The following CD83 variants were observed in gnomAD, a reference collection of about 807,000 sequenced individuals.
CD83 encodes the protein CD83 molecule, also known as CD83 antigen.
CD83 carries 22 observed loss-of-function variants against 24.6 expected under a neutral mutation model. That is an observed-to-expected ratio of 0.90 (90% CI 0.64 to 1.28). The LOEUF (loss-of-function observed/expected upper bound fraction) is 1.28, where lower values mean the gene tolerates loss of function less well. Among genes scored for constraint, CD83 ranks in the 50% most tolerant of loss-of-function variants. The pLI, the probability that CD83 is intolerant of heterozygous loss-of-function variation, is 0.00. For synonymous variants in CD83, 101 were observed against 103.5 expected (o/e 0.98, Z 0.14); for missense variants, 253 against 252.8 (o/e 1.00, Z -0.01).
chr6:14,134,916 T>A (rs923628893), intron 4 of CD83, among the ~76,000 whole-genome samples, 192 bp from the exon 5 acceptor site: 2 of 152,154 alleles, frequency 1.3e-5, no homozygotes, highest in African/African-American at 4.8e-5. Context: ...AATCAGTGAA[T>A]CTCCTGGTCC....
chr6:14,131,424 G>A, intron 2 of CD83, 96 bp from the exon 3 acceptor site: 2 of 861,966 alleles, frequency 2.3e-6, no homozygotes, highest in Non-Finnish European at 3.7e-6. Flanking sequence ...ACAAACATAA[G>A]TTGAGGCTGG....
chr6:14,117,782 A>G lies in CD83; in HGVS notation c.-30A>G, dbSNP rs1306274358. The stretch of plus-strand genomic sequence containing the variant: ...CGGCGCCCGCGCGCCACAGCTCTGC[A>G]GCTCGTGGCAGCGGCGCAGCGCTCC... On this transcript the variant is annotated 5_prime_UTR_variant, in exon 1 of 5. Coordinates refer to ENST00000379153, the MANE Select transcript of CD83 (RefSeq NM_004233.4). This position sits in a 1 kb window ranked among gnomAD's most constrained non-coding sequence, Gnocchi z 4.6. The G allele has an allele frequency of 3.4e-6, 5 of 1,471,740 alleles. No homozygotes were observed. Among genetic ancestry groups the G allele is most frequent in the Non-Finnish European group, 4.5e-6 (5 of 1,112,612 alleles). 91.2% of individuals were successfully genotyped at this position (1,471,740 alleles called of 1,614,324 possible).
At position 14,131,715 on chromosome 6, in the gene CD83, A is replaced by T; in HGVS notation, c.349A>T (p.Asn117Tyr). 6.2e-7 allele frequency: 1 copy of T among 1,614,062 alleles called. No individual in the cohort carries two copies. The highest frequency in any genetic ancestry group is 8.5e-7 in the Non-Finnish European group (1 of 1,179,912). The change falls in exon 3 of 5, where the codon AAC becomes TAC. Residue 117 changes from asparagine to tyrosine, a missense_variant. Physicochemically the swap from Asn to Tyr is moderately radical, Grantham distance 143 (BLOSUM62 -2). Transcript: ENST00000379153. ...CTLQDPDGQR[N>Y]LSGKVILRVT... ...TCTGCAGGACCCGGATGGGCAGAGA[A>T]ACCTAAGTGGCAAGGTGATCTTGAG...
chr6:14,124,587 A>G (rs971080996), intron 2 of CD83, among the ~76,000 whole-genome samples: 1 of 152,198 alleles, frequency 6.6e-6, no homozygotes, highest in South Asian at 2.1e-4. Context: ...GGCTGGAGCC[A>G]TGTGCCAATA....
At position 14,133,593 on chromosome 6, in the gene CD83, T is replaced by C. The variant is rs1757976023; in HGVS notation, c.383-56T>C. On this transcript the variant is annotated intron_variant, in intron 3 of 4. Transcript: ENST00000379153. ...AGGAACAAAGCATTCTTAGCTTTTTTTCATGGTAGAAAAATCCTGTTAAAA... is the reference window on the plus strand; with the variant it reads ...AGGAACAAAGCATTCTTAGCTTTTTCTCATGGTAGAAAAATCCTGTTAAAA... 9.8e-6 allele frequency: 12 copies of C among 1,220,652 alleles called. No homozygotes were observed. The East Asian group carries it at 2.6e-4, about 26-fold the overall frequency. 75.6% of individuals were successfully genotyped at this position (1,220,652 alleles called of 1,614,324 possible).
intron 2 of CD83, among the ~76,000 whole-genome samples, chr6:14,124,418 T>C (rs1430750204): frequency 6.6e-6 from 1 of 152,170 alleles, no homozygotes; most frequent in Non-Finnish European, 1.5e-5. Flanking sequence ...GGAAAACCTT[T>C]AGGAAAAGAA....
chr6:14,125,884 A>G (rs1759796865), intron 2 of CD83, among the ~76,000 whole-genome samples: 1 of 152,260 alleles, frequency 6.6e-6, no homozygotes, highest in African/African-American at 2.4e-5. Flanking sequence ...GACTTCTAGG[A>G]CAACTTTCCC....
At position 14,117,818 on chromosome 6, in the gene CD83, C is replaced by T. The variant is rs1350674561; in HGVS notation, c.7C>T (p.Arg3Cys). 3 of 1,562,386 alleles carry T rather than the reference C, an allele frequency of 1.9e-6. No individual in the cohort carries two copies. Among genetic ancestry groups the T allele is most frequent in the African/African-American group, 1.4e-5 (1 of 73,840 alleles). Residue 3 changes from arginine to cysteine, a missense_variant, in exon 1 of 5, where the codon CGC becomes TGC. Coordinates refer to ENST00000379153, the MANE Select transcript of CD83 (RefSeq NM_004233.4). This position sits in a 1 kb window ranked among gnomAD's most constrained non-coding sequence, Gnocchi z 4.6. MS[R>C]GLQLLLLSCA... ...GCGGCGCAGCGCTCCAGCCATGTCGCGCGGCCTCCAGCTTCTGCTCCTGAG... is the reference window on the plus strand; with the variant it reads ...GCGGCGCAGCGCTCCAGCCATGTCGTGCGGCCTCCAGCTTCTGCTCCTGAG...
rs201043133 is a variant in CD83, at chr6:14,135,213, C to A, written c.595C>A (p.Pro199Thr). The change falls in exon 5 of 5, where the codon CCT becomes ACT. Residue 199 changes from proline (P) to threonine (T), a missense_variant. Transcript: ENST00000379153. ...SPNKHLGLVT[P>T]HKTELV ...AAATAAGCATTTAGGGCTAGTGACT[C>A]CTCACAAGACAGAACTGGTATGAGC... The A allele has an allele frequency of 6.2e-7, 1 of 1,614,156 alleles. No homozygotes were observed. The highest frequency in any genetic ancestry group is 1.1e-5 in the South Asian group (1 of 91,084).
intron 2 of CD83, among the ~76,000 whole-genome samples, chr6:14,124,017 C>T (rs934789602): frequency 1.3e-5 from 2 of 152,186 alleles, no homozygotes; most frequent in South Asian, 2.1e-4. Flanking sequence ...CCTGGAATAA[C>T]CCTAAATTTT....
chr6:14,135,125 G>C lies in CD83; in HGVS notation c.507G>C (p.Gln169His), dbSNP rs921784350. ...IIFTCKFARL[Q>H]SIFPDFSKAG... ...CTTTTTAGAAGTTTGCACGGCTACA[G>C]AGTATCTTCCCAGATTTTTCTAAAG... The change falls in exon 5 of 5, where the codon CAG becomes CAC. Residue 169 changes from glutamine to histidine, a missense_variant. By Grantham distance (24) the Gln-to-His change is conservative. Transcript: ENST00000379153. The C allele has an allele frequency of 1.2e-6, 2 of 1,614,134 alleles. No homozygotes were observed. Among genetic ancestry groups the C allele is most frequent in the South Asian group, 1.1e-5 (1 of 91,080 alleles).
chr6:14,131,817 C>A (rs74559164), intron 3 of CD83, 69 bp downstream of exon 3: 3 of 1,088,172 alleles, frequency 2.8e-6, no homozygotes, highest in Non-Finnish European at 1.4e-6. Flanking sequence ...GTCCTAAAAT[C>A]GTTCCTCTCT....
chr6:14,133,527 C>T, intron 3 of CD83, 122 bp from the exon 4 acceptor site: 1 of 664,836 alleles, frequency 1.5e-6, no homozygotes, highest in Non-Finnish European at 2.7e-6. Flanking sequence ...TGTCGTTCAT[C>T]CTGATGGTGG....
chr6:14,118,165 G>C, intron 2 of CD83, 100 bp downstream of exon 2: 8 of 769,298 alleles, frequency 1.0e-5, no homozygotes, highest in Non-Finnish European at 1.6e-5. Context: ...GCTGCCAGGT[G>C]GGGGCGAGGG....
At chr6:14,118,109 T>C in intron 2 of CD83, 44 bp downstream of exon 2, 1 of 1,418,444 alleles carries the variant, frequency 7.0e-7, no homozygotes, top group South Asian at 1.2e-5. Flanking sequence ...GTGGGCTCAT[T>C]TGAAGACAGC....
intron 2 of CD83, among the ~76,000 whole-genome samples, chr6:14,125,319 G>C (rs952188108): frequency 1.3e-5 from 2 of 152,186 alleles, no homozygotes; most frequent in African/African-American, 2.4e-5. Context: ...CATTGGTTCT[G>C]TGTCCAACCT....
chr6:14,133,271 G>A (rs1278982460), intron 3 of CD83, among the ~76,000 whole-genome samples: 2 of 152,232 alleles, frequency 1.3e-5, no homozygotes, highest in Admixed American at 1.3e-4. Context: ...AAATAAGCCA[G>A]GAAAGGCTTG....
Position 14,117,989 on chromosome 6 carries a change from C to G in CD83, c.77C>G (p.Ala26Gly), listed in dbSNP as rs563581725. ...CCCGCGACGCCGGAGGTGAAGGTGG[C>G]TTGCTCCGAAGATGTGGACTTGCCC... ...LAPATPEVKVACSEDVDLPCT... is the reference protein window; with the variant it reads ...LAPATPEVKVGCSEDVDLPCT... Residue 26 changes from alanine (A) to glycine (G), a missense_variant, in exon 2 of 5, where the codon GCT becomes GGT. Coordinates refer to ENST00000379153, the MANE Select transcript of CD83 (RefSeq NM_004233.4). This position sits in a 1 kb window ranked among gnomAD's most constrained non-coding sequence, Gnocchi z 4.6. The G allele has an allele frequency of 6.2e-7, 1 of 1,611,492 alleles. No homozygotes were observed. The highest frequency in any genetic ancestry group is 1.3e-5 in the African/African-American group (1 of 74,944).
chr6:14,131,822 C>T, intron 3 of CD83, 74 bp downstream of exon 3: 2 of 1,030,368 alleles, frequency 1.9e-6, no homozygotes, highest in Non-Finnish European at 3.0e-6. Flanking sequence ...AAAATCGTTC[C>T]TCTCTTTTGG....
Sources: gnomAD v4.1 joint callset for allele counts (sites outside exome capture counted in the v4.1 genomes callset) on GRCh38, gnomAD v4.1.1 for gene constraint, Gnocchi (gnomAD v3.1) non-coding constraint, MANE v1.5 for transcripts, NCBI Gene and HGNC (gene_info 2026-07-23, HGNC 2026-07-21) for gene names.